VPS13D: variants seen among roughly 807,000 people sequenced by gnomAD.
VPS13D encodes intermembrane lipid transfer protein VPS13D.
In VPS13D, 187 loss-of-function variants were observed where a neutral mutation model predicts 461.9. That is an observed-to-expected ratio of 0.40 (90% CI 0.36 to 0.46). VPS13D has a LOEUF of 0.46. Ranked by LOEUF, VPS13D falls within the 20% of genes least tolerant of loss-of-function variation. VPS13D has a pLI of 0.60. For synonymous variants in VPS13D, 1,951 were observed against 1,986.3 expected, an observed-to-expected ratio of 0.98 and a Z score of 0.47; for missense variants, 4,711 against 5,364.9, an observed-to-expected ratio of 0.88 and a Z score of 3.81.
chr1:12,441,577 G>A (rs1645131571), intron 65 of VPS13D, among the ~76,000 whole-genome samples: 1 of 152,212 alleles, frequency 6.6e-6, no homozygotes, highest in African/African-American at 2.4e-5. Context: ...CTGAGGACCA[G>A]GTCGAAGTTG....
chr1:12,455,129 C>A (rs1645308904), intron 65 of VPS13D, among the ~76,000 whole-genome samples: 1 of 152,164 alleles, frequency 6.6e-6, no homozygotes, highest in Non-Finnish European at 1.5e-5. Flanking sequence ...ATCATGAGTT[C>A]AAGTCTGCCA....
intron 6 of VPS13D, 25 bp downstream of exon 6, chr1:12,249,364 G>A (rs765069263): frequency 1.9e-6 from 3 of 1,581,058 alleles, no homozygotes; most frequent in Non-Finnish European, 2.6e-6. Context: ...TGATGACAAA[G>A]CAGGAAGAAA....
Position 12,257,056 on chromosome 1 carries a change from A to C in VPS13D, c.910A>C (p.Arg304=). The change falls in exon 9 of 70, where the codon AGG becomes CGG. Residue 304 remains arginine, a synonymous_variant. Coordinates refer to ENST00000620676, the MANE Select transcript of VPS13D (RefSeq NM_015378.4). The part of the protein sequence containing the change: ...ERKERQVKFR[R]WKPKVAISKN... The stretch of plus-strand genomic sequence containing the variant: ...AAAGGAGAGGCAGGTGAAGTTCCGA[A>C]GGTGGAAACCCAAGGTGGCGATATC... 1 of 1,614,176 alleles carries C rather than the reference A, an allele frequency of 6.2e-7. No homozygotes were observed. Among genetic ancestry groups the C allele is most frequent in the Non-Finnish European group, 8.5e-7 (1 of 1,180,022 alleles).
At chr1:12,337,475 A>G (rs1306316750) in intron 39 of VPS13D, 1 of 152,232 alleles carries the variant, frequency 6.6e-6, no homozygotes, top group African/African-American at 2.4e-5. Flanking sequence ...GCTCTTGGGA[A>G]TAGCCCTTAA....
rs543044887 is a variant in VPS13D, at chr1:12,499,710, A to G, written c.12794+2079A>G. 1.6e-5 allele frequency: 16 copies of G among 985,468 alleles called. No homozygotes were observed. The South Asian group carries it at 7.5e-4, about 46-fold the overall frequency. The allele number at this position is 985,468 out of a possible 1,614,324, so 61.0% of individuals were successfully genotyped here. ...CCAAGTTGTGGGTTAAATCTTGCCA[A>G]TGAATGCTGAAGGAGGCACGTGACC... On this transcript the variant is annotated intron_variant, in intron 68 of 69. Coordinates refer to ENST00000620676, the MANE Select transcript of VPS13D (RefSeq NM_015378.4).
At chr1:12,490,706 C>T (rs1645866876) in intron 67 of VPS13D, among the ~76,000 whole-genome samples, 2 of 151,198 alleles carry the variant, frequency 1.3e-5, no homozygotes, top group Admixed American at 1.3e-4. Context: ...AGATGCAGCC[C>T]ACGGCCTGGT....
At chr1:12,372,625 A>G (rs1249209627) in intron 54 of VPS13D, among the ~76,000 whole-genome samples, 2 of 151,668 alleles carry the variant, frequency 1.3e-5, no homozygotes, top group East Asian at 1.9e-4. Context: ...ATGATTTGCA[A>G]TTTTTTTCTC....
chr1:12,233,114 T>C (rs1640036462), intron 1 of VPS13D, among the ~76,000 whole-genome samples: 2 of 152,064 alleles, frequency 1.3e-5, no homozygotes, highest in African/African-American at 4.8e-5. Context: ...CAAGGGATTC[T>C]CCTGCCTCAG....
intron 2 of VPS13D, among the ~76,000 whole-genome samples, chr1:12,235,223 G>T (rs1200315615): frequency 6.6e-6 from 1 of 152,190 alleles, no homozygotes. Flanking sequence ...AGAGAGAACA[G>T]TGACACAGCT....
intron 22 of VPS13D, among the ~76,000 whole-genome samples, chr1:12,289,983 T>C (rs929682089): frequency 6.6e-6 from 1 of 152,132 alleles, no homozygotes; most frequent in African/African-American, 2.4e-5. Context: ...GGAGCTGAAC[T>C]AGCATGCCAA....
chr1:12,456,155 C>G (rs760143997), intron 66 of VPS13D, 25 bp downstream of exon 66: 1 of 1,579,560 alleles, frequency 6.3e-7, no homozygotes, highest in Admixed American at 1.9e-5. Context: ...ACATCAGGCT[C>G]TGCTGCTGCT....
At chr1:12,346,708 A>C in intron 44 of VPS13D, 56 bp downstream of exon 44, 4 of 1,468,328 alleles carry the variant, frequency 2.7e-6, no homozygotes, top group African/African-American at 1.4e-5. Flanking sequence ...ACTGCACCTG[A>C]ATCATGTGGA....
chr1:12,428,863 T>C (rs1226534138), intron 65 of VPS13D, among the ~76,000 whole-genome samples: 1 of 152,252 alleles, frequency 6.6e-6, no homozygotes, highest in Admixed American at 6.5e-5. Context: ...TTTGTGAGGA[T>C]GTGGAACAGG....
chr1:12,232,078 T>A (rs1639996470), intron 1 of VPS13D, among the ~76,000 whole-genome samples: 1 of 152,234 alleles, frequency 6.6e-6, no homozygotes, highest in Non-Finnish European at 1.5e-5. Context: ...TTATAACATC[T>A]TCTTTAAACA....
intron 34 of VPS13D, among the ~76,000 whole-genome samples, chr1:12,323,104 C>CT (rs1377510693): frequency 1.3e-5 from 2 of 152,164 alleles, no homozygotes; most frequent in African/African-American, 2.4e-5. Context: ...GGGTCTTGCT[C>CT]TGTCACCCAG....
In VPS13D at chr1:12,460,363, C is replaced by T. The variant is rs746736545; in HGVS notation, c.12629C>T (p.Ala4210Val). Residue 4210 changes from alanine (A) to valine (V), a missense_variant, in exon 67 of 70, where the codon GCG becomes GTG. This residue lies in a region of VPS13D where 106 missense variants were observed against 206.2 expected (regional missense o/e 0.51). Transcript: ENST00000620676. ...GATTTTGCATCAGAAACAGCCCAGGCGGTGAGAGACACAGCCACACTCAGC... is the reference window on the plus strand; with the variant it reads ...GATTTTGCATCAGAAACAGCCCAGGTGGTGAGAGACACAGCCACACTCAGC... ...ALDFASETAQAVRDTATLSGP... is the reference protein window; with the variant it reads ...ALDFASETAQVVRDTATLSGP... The T allele has an allele frequency of 1.7e-5, 28 of 1,608,828 alleles. No homozygotes were observed. The highest frequency in any genetic ancestry group is 6.7e-5 in the Admixed American group (4 of 59,508).
intron 36 of VPS13D, among the ~76,000 whole-genome samples, chr1:12,328,133 T>C (rs940290484): frequency 6.6e-6 from 1 of 152,232 alleles, no homozygotes; most frequent in Non-Finnish European, 1.5e-5. Context: ...TTCATTTTTC[T>C]TATCTTTTTA....
intron 65 of VPS13D, among the ~76,000 whole-genome samples, chr1:12,420,182 C>A (rs1045515667): frequency 2.0e-5 from 3 of 152,158 alleles, no homozygotes; most frequent in Non-Finnish European, 4.4e-5. Context: ...ATGGGTCTAT[C>A]AGTTGAATAC....
At chr1:12,398,585 G>A (rs1351511942) in intron 60 of VPS13D, among the ~76,000 whole-genome samples, 3 of 152,102 alleles carry the variant, frequency 2.0e-5, no homozygotes, top group Non-Finnish European at 2.9e-5. Flanking sequence ...GGTGAACTTC[G>A]ATGTGAGACA....
Sources: gnomAD v4.1 joint callset for allele counts (sites outside exome capture counted in the v4.1 genomes callset) on GRCh38, gnomAD v4.1.1 for gene constraint, gnomAD v4.1.1 regional missense constraint, MANE v1.5 for transcripts, NCBI Gene and HGNC (gene_info 2026-07-23, HGNC 2026-07-21) for gene names.